Variants in TIAL1 observed in about 807,000 individuals in gnomAD.
The protein encoded by TIAL1 is TIA1 cytotoxic granule associated RNA binding protein like 1, also known as nucleolysin TIAR.
TIAL1 carries 7 observed loss-of-function variants against 59.7 expected under a neutral mutation model. The ratio of observed to expected loss-of-function variants is 0.12; its 90% CI spans 0.07 to 0.22. TIAL1 has a LOEUF of 0.22. Among genes scored for constraint, TIAL1 ranks in the 10% least tolerant of loss-of-function variants. The pLI, the probability that TIAL1 is intolerant of heterozygous loss-of-function variation, is 1.00. For missense variants in TIAL1, 225 were observed against 462.5 expected (o/e 0.49, Z 4.71); for synonymous variants, 149 against 146.3 (o/e 1.02, Z -0.13).
At chr10:119,594,764 A>G (rs1846068585) in intron 1 of TIAL1, among the ~76,000 whole-genome samples, 1 of 152,148 alleles carries the variant, frequency 6.6e-6, no homozygotes, top group Non-Finnish European at 1.5e-5. Flanking sequence ...AGCAGGGACT[A>G]CAGGCGCGCG....
chr10:119,593,180 ATG>A (rs1845979177), intron 1 of TIAL1, among the ~76,000 whole-genome samples: 1 of 152,234 alleles, frequency 6.6e-6, no homozygotes, highest in African/African-American at 2.4e-5. Flanking sequence ...CAAGCCTGAA[ATG>A]TGTGTCCCAC....
chr10:119,574,746 G>C lies in TIAL1; in HGVS notation c.*919C>G. The C allele has an allele frequency of 6.6e-6, 1 of 152,582 alleles. No homozygotes were observed. The highest frequency in any genetic ancestry group is 1.5e-5 in the Non-Finnish European group (1 of 68,026). The allele number at this position is 152,582 out of a possible 1,614,324, so 9.5% of individuals were successfully genotyped here. A position where few individuals can be genotyped will look rare whatever the true frequency, so the allele number is the denominator to read the frequency against. Reference sequence around the variant, plus strand: ...ATAGTAGCCAACCTTGGAAATGTCAGTCTTAACATTCTGATCAATCCACTG... The same window carrying C: ...ATAGTAGCCAACCTTGGAAATGTCACTCTTAACATTCTGATCAATCCACTG... On this transcript the variant is annotated 3_prime_UTR_variant, in exon 12 of 12. Transcript: ENST00000436547.
chr10:119,582,086 GA>G lies in TIAL1; in HGVS notation c.284-78del, dbSNP rs537466682. On this transcript the variant is annotated intron_variant, in intron 4 of 11. Coordinates refer to ENST00000436547, the MANE Select transcript of TIAL1 (RefSeq NM_003252.4). This position sits in a 1 kb window ranked among gnomAD's most constrained non-coding sequence, Gnocchi z 5.1. ...CCTTTTTAAGGCAACTCTAGAGGAGGAAAAAAAAACCTATTTAAGCTGGTAA... is the reference window on the plus strand; with the variant it reads ...CCTTTTTAAGGCAACTCTAGAGGAGGAAAAAAAACCTATTTAAGCTGGTAA... The G allele has an allele frequency of 8.2e-4, 1,288 of 1,566,314 alleles. 12 individuals are homozygous for G. The African/African-American group carries it at 0.016, about 20-fold the overall frequency.
At position 119,582,934 on chromosome 10, in the gene TIAL1, T is replaced by C. The variant is rs142308257; in HGVS notation, c.130-377A>G. On this transcript the variant is annotated intron_variant, in intron 2 of 11. Coordinates refer to ENST00000436547, the MANE Select transcript of TIAL1 (RefSeq NM_003252.4). The surrounding 1 kb of genome is among the most constrained non-coding windows in gnomAD (Gnocchi z 5.1). ...TCCTTCTCCAATATTATTTTTAAAT[T>C]ACGTTCTACTTATGCATCATAATCC... Among the ~76,000 whole-genome samples, 1 of 152,240 alleles carries C rather than the reference T, an allele frequency of 6.6e-6. No individual in the cohort carries two copies. Among genetic ancestry groups the C allele is most frequent in the African/African-American group, 2.4e-5 (1 of 41,568 alleles).
intron 2 of TIAL1, among the ~76,000 whole-genome samples, chr10:119,586,881 A>C (rs377514391): frequency 6.6e-6 from 1 of 152,162 alleles, no homozygotes; most frequent in Non-Finnish European, 1.5e-5. Context: ...ATATAGCACC[A>C]ACCCTCCAAT....
chr10:119,590,438 A>G lies in TIAL1; in HGVS notation c.33-2190T>C, dbSNP rs186848049. Among the ~76,000 whole-genome samples, 10 of 152,304 alleles carry G rather than the reference A, an allele frequency of 6.6e-5. No individual in the cohort carries two copies. The East Asian group carries it at 1.9e-3, about 29-fold the overall frequency. On this transcript the variant is annotated intron_variant, in intron 1 of 11. Coordinates refer to ENST00000436547, the MANE Select transcript of TIAL1 (RefSeq NM_003252.4). ...AAGAAAAATGAACAAGTGACCAGGC[A>G]TGGTGGCTCACGCCTGTAATCCCAG...
At chr10:119,596,305 G>C in intron 1 of TIAL1, 129 bp downstream of exon 1, 1 of 970,052 alleles carries the variant, frequency 1.0e-6, no homozygotes. Flanking sequence ...TGCACTTCGC[G>C]TCCACGCCGC....
chr10:119,596,528 G>A lies in TIAL1; in HGVS notation c.-63C>T. Reference sequence around the variant, plus strand: ...GGCAGGGTTGGGGAGGGGAGGGGGTGGGGAGGAAGGGGAGGGGGGCTCTGG... The same window carrying A: ...GGCAGGGTTGGGGAGGGGAGGGGGTAGGGAGGAAGGGGAGGGGGGCTCTGG... On this transcript the variant is annotated 5_prime_UTR_variant, in exon 1 of 12. Coordinates refer to ENST00000436547, the MANE Select transcript of TIAL1 (RefSeq NM_003252.4). The A allele has an allele frequency of 4.3e-6, 3 of 695,350 alleles. No individual in the cohort carries two copies. Among genetic ancestry groups the A allele is most frequent in the African/African-American group, 1.8e-5 (1 of 56,250 alleles). The allele number at this position is 695,350 out of a possible 1,614,324, so 43.1% of individuals were successfully genotyped here. A position where few individuals can be genotyped will look rare whatever the true frequency, so the allele number is the denominator to read the frequency against.
At chr10:119,578,196 G>C (rs1589862470) in intron 7 of TIAL1, among the ~76,000 whole-genome samples, 1 of 120,602 alleles carries the variant, frequency 8.3e-6, no homozygotes, top group East Asian at 2.6e-4. Context: ...CTGTACTCCA[G>C]CCTGGGTGAC....
intron 1 of TIAL1, among the ~76,000 whole-genome samples, chr10:119,589,159 G>C (rs1368628999): frequency 1.3e-5 from 2 of 151,966 alleles, no homozygotes; most frequent in South Asian, 2.1e-4. Flanking sequence ...AGGAGAGCAG[G>C]GTAAAATATA....
In TIAL1 at chr10:119,584,878, G is replaced by A. The variant is rs564361100; in HGVS notation, c.130-2321C>T. Among the ~76,000 whole-genome samples the A allele has an allele frequency of 3.3e-5, 5 of 152,000 alleles. No homozygotes were observed. The South Asian group carries it at 1.0e-3, about 32-fold the overall frequency. ...CCCAAGCACTTTGGGAGGGCGAGGTGGGCGGTTCACGAGGTCAGAAGATCA... is the reference window on the plus strand; with the variant it reads ...CCCAAGCACTTTGGGAGGGCGAGGTAGGCGGTTCACGAGGTCAGAAGATCA... On this transcript the variant is annotated intron_variant, in intron 2 of 11. Transcript: ENST00000436547.
At chr10:119,579,448 G>A (rs189953243) in intron 6 of TIAL1, among the ~76,000 whole-genome samples, 5 of 152,200 alleles carry the variant, frequency 3.3e-5, no homozygotes, top group South Asian at 2.1e-4. Context: ...TGCTTACTTT[G>A]GTACCCCTTT....
At chr10:119,594,262 T>C (rs1386936235) in intron 1 of TIAL1, among the ~76,000 whole-genome samples, 1 of 152,144 alleles carries the variant, frequency 6.6e-6, no homozygotes, top group Non-Finnish European at 1.5e-5. Context: ...TTAGAGAAGG[T>C]AGAGGAAGGA....
Position 119,575,743 on chromosome 10 carries a change from G to A in TIAL1, c.1050C>T (p.Pro350=). 1 of 1,605,258 alleles carries A rather than the reference G, an allele frequency of 6.2e-7. No individual in the cohort carries two copies. The highest frequency in any genetic ancestry group is 8.5e-7 in the Non-Finnish European group (1 of 1,176,264). The change falls in exon 12 of 12, where the codon CCC becomes CCT. Residue 350 remains proline, a synonymous_variant. Transcript: ENST00000436547. The part of the protein sequence containing the change: ...AWMGGFGAQP[P]QGQAPPPVIP... ...TTACAGGGGGAGGAGCTTGTCCTTG[G>A]GGAGGCTGAGCACCAAATCCACCCA...
chr10:119,580,513 C>G, intron 5 of TIAL1: 1 of 1,025,992 alleles, frequency 9.7e-7, no homozygotes, highest in Non-Finnish European at 1.2e-6. Context: ...GGTCAATTCT[C>G]TACCATCATT....
chr10:119,581,225 ATT>A (rs1845291720), intron 5 of TIAL1, among the ~76,000 whole-genome samples: 1 of 152,016 alleles, frequency 6.6e-6, no homozygotes, highest in Non-Finnish European at 1.5e-5. Flanking sequence ...ATTCATAACC[ATT>A]TTTAGTTTTC....
Position 119,573,696 on chromosome 10 carries a change from A to G in TIAL1, c.*1969T>C, listed in dbSNP as rs1844812889. ...CTCGGGGGCACAGTTAACATAATTT[A>G]TTGAGTGTTCTCCCTATAAAATATA... is the stretch of plus-strand genomic sequence containing the variant. On this transcript the variant is annotated 3_prime_UTR_variant, in exon 12 of 12. Coordinates refer to ENST00000436547, the MANE Select transcript of TIAL1 (RefSeq NM_003252.4). 6.6e-6 allele frequency: 1 copy of G among 152,622 alleles called. No individual in the cohort carries two copies. The allele number at this position is 152,622 out of a possible 1,614,324, so 9.5% of individuals were successfully genotyped here.
chr10:119,587,594 A>C (rs530396309), intron 2 of TIAL1, among the ~76,000 whole-genome samples: 4 of 152,118 alleles, frequency 2.6e-5, no homozygotes, highest in Admixed American at 6.5e-5. Flanking sequence ...TATCTCTAGC[A>C]CTTACTGCAG....
intron 1 of TIAL1, chr10:119,593,542 C>T (rs41287142): frequency 0.021 from 19,773 of 963,226 alleles, 229 homozygotes; most frequent in Non-Finnish European, 0.023. Context: ...ACTAGTAACA[C>T]ACAGGCATCT....
Sources: gnomAD v4.1 joint callset for allele counts (sites outside exome capture counted in the v4.1 genomes callset) on GRCh38, gnomAD v4.1.1 for gene constraint, Gnocchi (gnomAD v3.1) non-coding constraint, MANE v1.5 for transcripts, NCBI Gene and HGNC (gene_info 2026-07-23, HGNC 2026-07-21) for gene names.